Variants in PCLO observed in about 807,000 individuals in gnomAD.
The protein encoded by PCLO is piccolo presynaptic cytomatrix protein, also known as protein piccolo.
A neutral mutation model predicts 427.5 loss-of-function variants in PCLO; 82 were observed. The observed-to-expected ratio is 0.19, with a 90% CI of 0.16 to 0.23. The LOEUF is 0.23. Among genes scored for constraint, PCLO ranks in the 10% least tolerant of loss-of-function variants. The pLI is 1.00. For synonymous variants in PCLO, 2,357 were observed against 2,155.4 expected (o/e 1.09, Z -2.59); for missense variants, 6,239 against 6,115.9 (o/e 1.02, Z -0.67).
At chr7:82,778,846 T>C (rs1056144176) in intron 22 of PCLO, among the ~76,000 whole-genome samples, 6 of 152,082 alleles carry the variant, frequency 3.9e-5, no homozygotes, top group Non-Finnish European at 8.8e-5. Context: ...ATACCTGTGC[T>C]GTACTAAAAT....
At chr7:82,899,866 G>C (rs1286437667) in intron 9 of PCLO, among the ~76,000 whole-genome samples, 1 of 151,492 alleles carries the variant, frequency 6.6e-6, no homozygotes, top group Non-Finnish European at 1.5e-5. Context: ...AAATAATACA[G>C]CTAGAAAACA....
chr7:82,964,309 G>GA (rs1175026752), intron 4 of PCLO, among the ~76,000 whole-genome samples: 1 of 152,052 alleles, frequency 6.6e-6, no homozygotes, highest in Non-Finnish European at 1.5e-5. Context: ...TGGTGAAACA[G>GA]AAAGTTACAA....
At chr7:82,909,072 G>C in intron 7 of PCLO, 59 bp from the exon 8 acceptor site, 1 of 1,562,956 alleles carries the variant, frequency 6.4e-7, no homozygotes, top group African/African-American at 1.4e-5. Flanking sequence ...ATGATTGAGG[G>C]AAGCAGATGT....
At chr7:82,985,562 T>A (rs781479249) in intron 3 of PCLO, among the ~76,000 whole-genome samples, 3 of 151,922 alleles carry the variant, frequency 2.0e-5, no homozygotes, top group Non-Finnish European at 4.4e-5. Context: ...GGCTGTGTCG[T>A]TTTCTGCTTG....
chr7:83,102,903 T>A (rs1478836053), intron 3 of PCLO, among the ~76,000 whole-genome samples: 3 of 151,846 alleles, frequency 2.0e-5, no homozygotes, highest in African/African-American at 7.2e-5. Flanking sequence ...ATCCAAGTGA[T>A]GGGTGGTATT....
Position 82,916,719 on chromosome 7 carries a change from G to A in PCLO, c.11267C>T (p.Thr3756Ile). The A allele has an allele frequency of 1.9e-6, 3 of 1,613,648 alleles. No homozygotes were observed. Among genetic ancestry groups the A allele is most frequent in the Non-Finnish European group, 2.5e-6 (3 of 1,179,724 alleles). ...VSRRRICRTN[T>I]MARAKILQDI... ...CTGGAGAATCTTGGCTCGTGCCATT[G>A]TGTTGGTTCTGCAGATCCTTCTCCT... Residue 3756 changes from threonine to isoleucine, a missense_variant, in exon 7 of 25, where the codon ACA becomes ATA. By Grantham distance (89) the Thr-to-Ile change is moderately conservative. This residue lies in a region of PCLO where 4,677 missense variants were observed against 4,468.4 expected (regional missense o/e 1.05). Coordinates refer to ENST00000333891, the MANE Select transcript of PCLO (RefSeq NM_033026.6).
At chr7:82,759,196 C>G (rs2129467481) in intron 24 of PCLO, among the ~76,000 whole-genome samples, 1 of 151,808 alleles carries the variant, frequency 6.6e-6, no homozygotes, top group East Asian at 1.9e-4. Flanking sequence ...TACTTCCAAG[C>G]TGTTTTCTGA....
intron 8 of PCLO, among the ~76,000 whole-genome samples, chr7:82,907,778 G>T (rs140055726): frequency 6.6e-6 from 1 of 152,008 alleles, no homozygotes; most frequent in Non-Finnish European, 1.5e-5. Flanking sequence ...ATAGCATATA[G>T]AAAAACAGAA....
intron 1 of PCLO, among the ~76,000 whole-genome samples, chr7:83,159,003 C>CT (rs1792370005): frequency 6.6e-6 from 1 of 152,024 alleles, no homozygotes; most frequent in Non-Finnish European, 1.5e-5. Flanking sequence ...AATGCAATCT[C>CT]TGCCTTGTAT....
At chr7:82,763,579 T>C (rs1053656381) in intron 22 of PCLO, among the ~76,000 whole-genome samples, 1 of 152,096 alleles carries the variant, frequency 6.6e-6, no homozygotes. Flanking sequence ...AGATGTATTC[T>C]TTTCTGGATT....
At chr7:83,021,633 G>T (rs1788345691) in intron 3 of PCLO, among the ~76,000 whole-genome samples, 1 of 151,980 alleles carries the variant, frequency 6.6e-6, no homozygotes, top group Non-Finnish European at 1.5e-5. Flanking sequence ...ATAATTACCA[G>T]CATATAGAAA....
intron 9 of PCLO, among the ~76,000 whole-genome samples, chr7:82,892,635 C>T (rs1428012479): frequency 6.6e-6 from 1 of 152,032 alleles, no homozygotes; most frequent in African/African-American, 2.4e-5. Flanking sequence ...TCAGAGTGAA[C>T]AGGCAACCTA....
At chr7:83,153,475 G>A (rs757352360) in intron 2 of PCLO, among the ~76,000 whole-genome samples, 1 of 151,978 alleles carries the variant, frequency 6.6e-6, no homozygotes, top group Non-Finnish European at 1.5e-5. Flanking sequence ...CATCATTATT[G>A]TTATTATCAT....
rs144551918 is a variant in PCLO at position 82,937,915 on chromosome 7, G to T, written c.11112+11561C>A. On this transcript the variant is annotated intron_variant, in intron 6 of 24. Coordinates refer to ENST00000333891, the MANE Select transcript of PCLO (RefSeq NM_033026.6). ...AGTCTCCCTTTTTAAACTCATGAAGGTATCTCCACATTAGATTCCAAATCT... is the reference window on the plus strand; with the variant it reads ...AGTCTCCCTTTTTAAACTCATGAAGTTATCTCCACATTAGATTCCAAATCT... 3.1e-3 allele frequency among the ~76,000 whole-genome samples: 469 copies of T among 151,892 alleles called. 2 individuals carry two copies. The highest frequency in any genetic ancestry group is 0.011 in the African/African-American group (461 of 41,522).
intron 3 of PCLO, among the ~76,000 whole-genome samples, chr7:83,116,709 T>C (rs1791143368): frequency 6.6e-6 from 1 of 152,190 alleles, no homozygotes; most frequent in Non-Finnish European, 1.5e-5. Flanking sequence ...TATATCACCA[T>C]GTTATAGAAT....
chr7:82,985,671 C>T (rs1174839352), intron 3 of PCLO, among the ~76,000 whole-genome samples: 1 of 151,818 alleles, frequency 6.6e-6, no homozygotes, highest in African/African-American at 2.4e-5. Context: ...GAATCCAAAG[C>T]TGCACATATT....
At position 83,134,897 on chromosome 7, in the gene PCLO, C is replaced by A; in HGVS notation, c.2653G>T (p.Ala885Ser). The change falls in exon 3 of 25, where the codon GCT becomes TCT. Residue 885 changes from alanine to serine, a missense_variant. This residue lies in a region of PCLO where 4,677 missense variants were observed against 4,468.4 expected (regional missense o/e 1.05). Coordinates refer to ENST00000333891, the MANE Select transcript of PCLO (RefSeq NM_033026.6). ...TGAGGTGTGGGGACAGTTTGGCCAG[C>A]GGTAGGTCGTGGGCCAGGGGGTGTT... The part of the protein sequence containing the change: ...SPTPPGPRPT[A>S]GQTVPTPQQS... 2 of 1,601,926 alleles carry A rather than the reference C, an allele frequency of 1.2e-6. No homozygotes were observed. Among genetic ancestry groups the A allele is most frequent in the Non-Finnish European group, 1.7e-6 (2 of 1,174,146 alleles).
chr7:82,855,071 T>C (rs963541261), intron 10 of PCLO, among the ~76,000 whole-genome samples: 2 of 152,120 alleles, frequency 1.3e-5, no homozygotes, highest in Non-Finnish European at 2.9e-5. Context: ...ATATCTAAAA[T>C]AGATTTAGCT....
At chr7:83,047,382 A>G (rs1789129366) in intron 3 of PCLO, among the ~76,000 whole-genome samples, 1 of 152,058 alleles carries the variant, frequency 6.6e-6, no homozygotes, top group African/African-American at 2.4e-5. Context: ...ACCTTAAGCC[A>G]AATACAATAC....
Sources: allele counts gnomAD v4.1 joint callset (sites outside exome capture counted in the v4.1 genomes callset), GRCh38; gene constraint gnomAD v4.1.1; regional missense constraint gnomAD v4.1.1; transcripts MANE v1.5; gene names NCBI Gene and HGNC (gene_info 2026-07-23, HGNC 2026-07-21).